Variants in PUM1 observed in about 807,000 individuals in gnomAD.
The protein encoded by PUM1 is pumilio homolog 1.
In PUM1, 13 loss-of-function variants were observed where a neutral mutation model predicts 131.8. That is an observed-to-expected ratio of 0.10 (90% CI 0.06 to 0.16). The LOEUF (loss-of-function observed/expected upper bound fraction) is 0.16, where lower values mean the gene tolerates loss of function less well. Ranked by LOEUF, PUM1 falls within the 10% of genes least tolerant of loss-of-function variation. The pLI is 1.00. For missense variants in PUM1, 961 were observed against 1,512.4 expected (o/e 0.64, Z 6.05); for synonymous variants, 509 against 556.5 (o/e 0.91, Z 1.20).
rs562602876 is a variant in PUM1, at chr1:30,933,113, G to A, written c.*98C>T. The A allele has an allele frequency of 7.4e-5, 105 of 1,420,684 alleles. 1 individual carries two copies. Among genetic ancestry groups the A allele is most frequent in the South Asian group, 5.3e-4 (35 of 66,030 alleles). The allele number at this position is 1,420,684 out of a possible 1,614,324, so 88.0% of individuals were successfully genotyped here. A position where few individuals can be genotyped will look rare whatever the true frequency, so the allele number is the denominator to read the frequency against. ...GTAATCCTGGAGCAACCACTTGCCC[G>A]TCTCAGACTCTACACTAGAACATTT... On this transcript the variant is annotated 3_prime_UTR_variant, in exon 22 of 22. Transcript: ENST00000426105.
intron 3 of PUM1, among the ~76,000 whole-genome samples, chr1:31,010,722 A>C (rs1275083180): frequency 6.6e-6 from 1 of 152,198 alleles, no homozygotes; most frequent in South Asian, 2.1e-4. Context: ...TTCTCCAAGC[A>C]AGTTTGAGAC....
chr1:31,010,900 G>A (rs780697996), intron 3 of PUM1, among the ~76,000 whole-genome samples: 9 of 152,128 alleles, frequency 5.9e-5, no homozygotes, highest in Non-Finnish European at 1.3e-4. Context: ...AGGGCGTGGT[G>A]GCTTACACCT....
chr1:30,988,860 C>T (rs1345324842), intron 7 of PUM1, among the ~76,000 whole-genome samples: 2 of 152,212 alleles, frequency 1.3e-5, no homozygotes, highest in South Asian at 2.1e-4. Context: ...GAGCCCTCCC[C>T]TTGTCTGATA....
intron 16 of PUM1, among the ~76,000 whole-genome samples, chr1:30,950,563 C>CT: frequency 6.6e-6 from 1 of 152,324 alleles, no homozygotes; most frequent in East Asian, 1.9e-4. Context: ...TTAATTCATA[C>CT]TATTAAATGA....
intron 14 of PUM1, among the ~76,000 whole-genome samples, chr1:30,963,704 G>A (rs908566295): frequency 6.6e-6 from 1 of 152,142 alleles, no homozygotes; most frequent in Admixed American, 6.6e-5. Flanking sequence ...AATCTTGCTG[G>A]TTAAGAACAG....
intron 3 of PUM1, among the ~76,000 whole-genome samples, chr1:31,025,429 G>A (rs890218877): frequency 1.3e-5 from 2 of 152,032 alleles, no homozygotes; most frequent in Non-Finnish European, 2.9e-5. Flanking sequence ...ACGCGCATAG[G>A]TGCCCACACA....
intron 2 of PUM1, among the ~76,000 whole-genome samples, chr1:31,058,325 A>G (rs1644292312): frequency 6.6e-6 from 1 of 152,204 alleles, no homozygotes; most frequent in South Asian, 2.1e-4. Context: ...TTATGTCAAC[A>G]GTAAAAAAAA....
intron 14 of PUM1, among the ~76,000 whole-genome samples, chr1:30,962,594 T>C (rs1276142738): frequency 2.6e-5 from 4 of 152,070 alleles, no homozygotes; most frequent in African/African-American, 9.7e-5. Context: ...TATTTTTTGG[T>C]AGAGGCGGGG....
intron 1 of PUM1, among the ~76,000 whole-genome samples, chr1:31,063,367 G>C (rs1016364675): frequency 1.3e-5 from 2 of 152,082 alleles, no homozygotes; most frequent in Non-Finnish European, 2.9e-5. Flanking sequence ...AAGACTCTTA[G>C]AATTTAGTTA....
chr1:31,042,533 G>A (rs1643854855), intron 2 of PUM1, among the ~76,000 whole-genome samples: 1 of 152,146 alleles, frequency 6.6e-6, no homozygotes, highest in Non-Finnish European at 1.5e-5. Flanking sequence ...AAACTCCACT[G>A]GAAATGTGTA....
intron 9 of PUM1, among the ~76,000 whole-genome samples, chr1:30,979,847 A>T (rs559204276): frequency 1.3e-5 from 2 of 152,298 alleles, no homozygotes; most frequent in African/African-American, 4.8e-5. Flanking sequence ...CACATATGCA[A>T]GGCGTATGTG....
chr1:30,955,484 C>CCAAAA (rs1256771293), intron 14 of PUM1, among the ~76,000 whole-genome samples: 2 of 149,808 alleles, frequency 1.3e-5, no homozygotes, highest in African/African-American at 4.9e-5. Context: ...AAAAACCAAA[C>CCAAAA]CAAAACAAAA....
At chr1:30,999,739 T>C (rs1209148445) in intron 5 of PUM1, among the ~76,000 whole-genome samples, 2 of 151,864 alleles carry the variant, frequency 1.3e-5, no homozygotes, top group African/African-American at 4.8e-5. Flanking sequence ...TCTCTGAGAC[T>C]TTGTTTACTC....
Position 30,936,623 on chromosome 1 carries a change from C to T in PUM1, c.3435+20G>A. 1 of 1,603,056 alleles carries T rather than the reference C, an allele frequency of 6.2e-7. No individual in the cohort carries two copies. Among genetic ancestry groups the T allele is most frequent in the Non-Finnish European group, 8.5e-7 (1 of 1,173,734 alleles). Reference sequence around the variant, plus strand: ...AAGGCCTTGCACACTTTCTCTGAGACCCTGCCCAGCCCGGCCTACCTTATG... The same window carrying T: ...AAGGCCTTGCACACTTTCTCTGAGATCCTGCCCAGCCCGGCCTACCTTATG... On this transcript the variant is annotated intron_variant, in intron 21 of 21. Coordinates refer to ENST00000426105, the MANE Select transcript of PUM1 (RefSeq NM_001020658.2).
Position 31,065,698 on chromosome 1 carries a change from C to A in PUM1, c.-94G>T. The A allele has an allele frequency of 6.5e-7, 1 of 1,549,396 alleles. No individual in the cohort carries two copies. Among genetic ancestry groups the A allele is most frequent in the South Asian group, 1.2e-5 (1 of 84,040 alleles). ...TCTCGCTCCCCCTTACCTTTCACTC[C>A]GACAACATGGCGGCCCACTGGGGAC... On this transcript the variant is annotated 5_prime_UTR_variant, in exon 1 of 22. Coordinates refer to ENST00000426105, the MANE Select transcript of PUM1 (RefSeq NM_001020658.2).
chr1:31,043,532 G>T (rs766432800), intron 2 of PUM1, among the ~76,000 whole-genome samples: 1 of 152,050 alleles, frequency 6.6e-6, no homozygotes, highest in Non-Finnish European at 1.5e-5. Flanking sequence ...CCAATTTGGT[G>T]ATTTTAAATA....
At chr1:30,974,161 T>C (rs2124457840) in intron 10 of PUM1, among the ~76,000 whole-genome samples, 1 of 152,284 alleles carries the variant, frequency 6.6e-6, no homozygotes, top group South Asian at 2.1e-4. Flanking sequence ...AGATGTAGTT[T>C]TGCAGTTTAC....
At chr1:30,997,253 C>A (rs1642013277) in intron 5 of PUM1, among the ~76,000 whole-genome samples, 1 of 152,182 alleles carries the variant, frequency 6.6e-6, no homozygotes, top group Non-Finnish European at 1.5e-5. Flanking sequence ...GTGGCTCACA[C>A]CTATAATCCC....
chr1:31,044,889 A>C (rs1287662869), intron 2 of PUM1, among the ~76,000 whole-genome samples: 2 of 152,196 alleles, frequency 1.3e-5, no homozygotes, highest in East Asian at 3.9e-4. Context: ...GGCTTACTGC[A>C]ACCTCCGCCT....
Sources: gnomAD v4.1 joint callset for allele counts (sites outside exome capture counted in the v4.1 genomes callset) on GRCh38, gnomAD v4.1.1 for gene constraint, MANE v1.5 for transcripts, NCBI Gene and HGNC (gene_info 2026-07-23, HGNC 2026-07-21) for gene names.